The following PPFIA4 variants were observed in gnomAD, a reference collection of about 807,000 sequenced individuals.
The protein encoded by PPFIA4 is PPFI scaffold protein A4, also known as liprin-alpha-4.
In PPFIA4, 98 loss-of-function variants were observed where a neutral mutation model predicts 145.7. That is an observed-to-expected ratio of 0.67 (90% CI 0.57 to 0.80). The LOEUF (loss-of-function observed/expected upper bound fraction) is 0.80. PPFIA4 is among the 30% of genes least tolerant of loss of function. The pLI is 0.00. For missense variants in PPFIA4, 1,457 were observed against 1,632.7 expected, an observed-to-expected ratio of 0.89 and a Z score of 1.85; for synonymous variants, 628 against 649.6, an observed-to-expected ratio of 0.97 and a Z score of 0.51.
chr1:203,055,971 T>C lies in PPFIA4; in HGVS notation c.2071-149T>C, dbSNP rs1660910721. On this transcript the variant is annotated intron_variant, in intron 16 of 29. Transcript: ENST00000295706. The surrounding 1 kb of genome is among the most constrained non-coding windows in gnomAD (Gnocchi z 4.8). Reference sequence around the variant, plus strand: ...CTGGCTTGTTTTTCTAGGCCAGCTTTTTTTTTTTTTTCTGGCGTGATATTC... The same window carrying C: ...CTGGCTTGTTTTTCTAGGCCAGCTTCTTTTTTTTTTTCTGGCGTGATATTC... 9.9e-6 allele frequency: 6 copies of C among 608,052 alleles called. No homozygotes were observed. Among genetic ancestry groups the C allele is most frequent in the South Asian group, 2.8e-5 (1 of 35,962 alleles). 37.7% of individuals were successfully genotyped at this position (608,052 alleles called of 1,614,324 possible). A position where few individuals can be genotyped will look rare whatever the true frequency, so the allele number is the denominator to read the frequency against.
At chr1:203,049,863 A>T in intron 13 of PPFIA4, 96 bp downstream of exon 13, 8 of 1,078,446 alleles carry the variant, frequency 7.4e-6, no homozygotes, top group Non-Finnish European at 8.9e-6. Flanking sequence ...CCAGGACCTC[A>T]GGGTCCTCCT....
At chr1:203,076,077 G>C (rs950670324) in intron 29 of PPFIA4, 1 of 593,852 alleles carries the variant, frequency 1.7e-6, no homozygotes, top group Non-Finnish European at 2.9e-6. Flanking sequence ...GTGGCTCGGG[G>C]TAAGTGGGCC....
At position 203,068,666 on chromosome 1, in the gene PPFIA4, C is replaced by T. The variant is rs1661907188; in HGVS notation, c.3324+38C>T. 1 of 1,432,390 alleles carries T rather than the reference C, an allele frequency of 7.0e-7. No homozygotes were observed. Among genetic ancestry groups the T allele is most frequent in the Non-Finnish European group, 9.2e-7 (1 of 1,090,468 alleles). The allele number at this position is 1,432,390 out of a possible 1,614,324, so 88.7% of individuals were successfully genotyped here. ...TTAATCAGTCAACTTGAGTCTCTCC[C>T]TGTATCCCTCACTTGCTCTCTTTCT... On this transcript the variant is annotated intron_variant, in intron 27 of 29. Coordinates refer to ENST00000295706, the MANE Select transcript of PPFIA4 (RefSeq NM_001304331.2). The surrounding 1 kb of genome is among the most constrained non-coding windows in gnomAD (Gnocchi z 4.7).
chr1:203,034,195 T>C (rs1329879230), intron 1 of PPFIA4, among the ~76,000 whole-genome samples: 1 of 152,064 alleles, frequency 6.6e-6, no homozygotes, highest in African/African-American at 2.4e-5. Context: ...TGAGATGAGC[T>C]TAGCAAGGTG....
Position 203,075,788 on chromosome 1 carries a change from G to A in PPFIA4, c.3574+31G>A. The A allele has an allele frequency of 7.4e-7, 1 of 1,351,224 alleles. No homozygotes were observed. Among genetic ancestry groups the A allele is most frequent in the Non-Finnish European group, 9.6e-7 (1 of 1,046,988 alleles). The allele number at this position is 1,351,224 out of a possible 1,614,324, so 83.7% of individuals were successfully genotyped here. A position where few individuals can be genotyped will look rare whatever the true frequency, so the allele number is the denominator to read the frequency against. On this transcript the variant is annotated intron_variant, in intron 29 of 29. Coordinates refer to ENST00000295706, the MANE Select transcript of PPFIA4 (RefSeq NM_001304331.2). The surrounding 1 kb of genome is among the most constrained non-coding windows in gnomAD (Gnocchi z 4.1). The stretch of plus-strand genomic sequence containing the variant: ...TAACAGGCGGGCTGGGCATGGCCGA[G>A]GCCCAGCCGAGCGCGGGCTTCTTCC...
chr1:203,042,851 C>T (rs1326700772), intron 2 of PPFIA4, among the ~76,000 whole-genome samples: 1 of 152,164 alleles, frequency 6.6e-6, no homozygotes, highest in Non-Finnish European at 1.5e-5. Context: ...GTTGGCCAGA[C>T]TGGTCTCAAA....
At chr1:203,066,142 C>A (rs1661714542) in intron 25 of PPFIA4, among the ~76,000 whole-genome samples, 1 of 152,218 alleles carries the variant, frequency 6.6e-6, no homozygotes, top group African/African-American at 2.4e-5. Flanking sequence ...TTGAAAGGAA[C>A]TGGACTGAAA....
chr1:203,029,703 G>C (rs778823082), intron 1 of PPFIA4, among the ~76,000 whole-genome samples: 2 of 152,214 alleles, frequency 1.3e-5, no homozygotes, highest in Non-Finnish European at 2.9e-5. Context: ...AGCCTCTGGG[G>C]ACCCAGGACA....
chr1:203,059,152 T>A, intron 19 of PPFIA4, 26 bp from the exon 20 acceptor site: 1 of 1,465,732 alleles, frequency 6.8e-7, no homozygotes, highest in Non-Finnish European at 9.4e-7. Context: ...AGGGGCTGGC[T>A]GACACACACA....
At position 203,068,798 on chromosome 1, in the gene PPFIA4, A is replaced by G. The variant is rs564858418; in HGVS notation, c.3324+170A>G. 6.6e-6 allele frequency among the ~76,000 whole-genome samples: 1 copy of G among 152,172 alleles called. No individual in the cohort carries two copies. Among genetic ancestry groups the G allele is most frequent in the South Asian group, 2.1e-4 (1 of 4,834 alleles). ...TCAATTCTCCAAGTGATCGCTGTGC[A>G]TAAGCAAGCCCTCATGGGAACACAT... On this transcript the variant is annotated intron_variant, in intron 27 of 29. Transcript: ENST00000295706. This position sits in a 1 kb window ranked among gnomAD's most constrained non-coding sequence, Gnocchi z 4.7.
intron 28 of PPFIA4, among the ~76,000 whole-genome samples, chr1:203,072,640 A>AGT (rs1431913616): frequency 6.6e-6 from 1 of 152,090 alleles, no homozygotes; most frequent in Non-Finnish European, 1.5e-5. Context: ...GAAAGCCCAG[A>AGT]GTGTGTGTGT....
Position 203,039,077 on chromosome 1 carries a change from C to T in PPFIA4, c.69C>T (p.Asp23=), listed in dbSNP as rs559951366. ...GTCCCCCTCATGGCGCCGATGCTGA[C>T]GCCAACTTCGAGCAGCTGATGGTGA... ...RLGPPHGADA[D]ANFEQLMVNM... Residue 23 remains aspartate (D), a synonymous_variant, in exon 2 of 30, where the codon GAC becomes GAT. Coordinates refer to ENST00000295706, the MANE Select transcript of PPFIA4 (RefSeq NM_001304331.2). 1.3e-4 allele frequency: 207 copies of T among 1,605,556 alleles called. No homozygotes were observed. The highest frequency in any genetic ancestry group is 6.6e-4 in the Middle Eastern group (4 of 6,054).
At position 203,076,627 on chromosome 1, in the gene PPFIA4, C is replaced by T. The variant is rs896617693; in HGVS notation, c.*237C>T. 2 of 568,002 alleles carry T rather than the reference C, an allele frequency of 3.5e-6. No individual in the cohort carries two copies. The highest frequency in any genetic ancestry group is 6.3e-6 in the Non-Finnish European group (2 of 318,076). 35.2% of individuals were successfully genotyped at this position (568,002 alleles called of 1,614,324 possible). ...GGGGTTTCCTGGTATTGTGGAGGCA[C>T]CCAGGTTGTCCATGCTTGGGATTCT... On this transcript the variant is annotated 3_prime_UTR_variant, in exon 30 of 30. Coordinates refer to ENST00000295706, the MANE Select transcript of PPFIA4 (RefSeq NM_001304331.2).
At chr1:203,035,802 T>C (rs1436273868) in intron 1 of PPFIA4, among the ~76,000 whole-genome samples, 24 of 151,894 alleles carry the variant, frequency 1.6e-4, no homozygotes, top group Admixed American at 1.6e-3. Context: ...TGTTTCTGTG[T>C]AGCAGAGAGG....
At position 203,048,310 on chromosome 1, in the gene PPFIA4, G is replaced by A; in HGVS notation, c.1224G>A (p.Arg408=). The change falls in exon 10 of 30, where the codon CGG becomes CGA. Residue 408 remains arginine, a splice_region_variant and synonymous_variant. Transcript: ENST00000295706. The surrounding 1 kb of genome is among the most constrained non-coding windows in gnomAD (Gnocchi z 5.8). The stretch of plus-strand genomic sequence containing the variant: ...AGGAGAAGAACCAGGAGCTGGCACG[G>A]GTGAGGGCACCAGGCCGGGCCCTCA... ...QLEEKNQELA[R]VRQREKMNED... 1 of 1,612,300 alleles carries A rather than the reference G, an allele frequency of 6.2e-7. No individual in the cohort carries two copies. The highest frequency in any genetic ancestry group is 8.5e-7 in the Non-Finnish European group (1 of 1,179,686).
rs1659863465 is a variant in PPFIA4, at chr1:203,043,710, G to GGGTCCTGGGGA, written c.336+213_336+214insGTCCTGGGGAG. On this transcript the variant is annotated intron_variant, in intron 3 of 29. Coordinates refer to ENST00000295706, the MANE Select transcript of PPFIA4 (RefSeq NM_001304331.2). This position sits in a 1 kb window ranked among gnomAD's most constrained non-coding sequence, Gnocchi z 4.4. ...GCTGGGCTCTCCACCTGTAGTTGCT[G>GGGTCCTGGGGA]GTTCACAGAAAGCTCAGGGTCCTGG... Among the ~76,000 whole-genome samples the GGGTCCTGGGGA allele has an allele frequency of 6.6e-6, 1 of 152,136 alleles. No homozygotes were observed. Among genetic ancestry groups the GGGTCCTGGGGA allele is most frequent in the East Asian group, 1.9e-4 (1 of 5,188 alleles).
At position 203,031,100 on chromosome 1, in the gene PPFIA4, C is replaced by T. The variant is rs1420041564; in HGVS notation, c.-400+4471C>T. ...TTTTCCCCTCTCTCTCCCTATTGCC[C>T]AGGCTGGAGTGCAGTGGCATGATCA... is the stretch of plus-strand genomic sequence containing the variant. On this transcript the variant is annotated intron_variant, in intron 1 of 29. Transcript: ENST00000295706. 4.6e-5 allele frequency among the ~76,000 whole-genome samples: 7 copies of T among 152,294 alleles called. 1 individual carries two copies. The South Asian group carries it at 8.3e-4, about 18-fold the overall frequency.
intron 12 of PPFIA4, 40 bp from the exon 13 acceptor site, chr1:203,049,636 G>C: frequency 7.9e-7 from 1 of 1,260,838 alleles, no homozygotes; most frequent in Non-Finnish European, 1.1e-6. Context: ...GCCCCTCCCT[G>C]GCCCCCACTC....
intron 24 of PPFIA4, 27 bp from the exon 25 acceptor site, chr1:203,063,801 A>G (rs1247355701): frequency 6.2e-7 from 1 of 1,613,172 alleles, no homozygotes; most frequent in South Asian, 1.1e-5. Context: ...CTCCCCCATA[A>G]TAGCCTCCTG....
Sources: gnomAD v4.1 joint callset for allele counts (sites outside exome capture counted in the v4.1 genomes callset) on GRCh38, gnomAD v4.1.1 for gene constraint, Gnocchi (gnomAD v3.1) non-coding constraint, MANE v1.5 for transcripts, NCBI Gene and HGNC (gene_info 2026-07-23, HGNC 2026-07-21) for gene names.